Variants in FTO observed in about 807,000 individuals in gnomAD.
FTO encodes the protein alpha-ketoglutarate-dependent dioxygenase FTO.
FTO carries 47 observed loss-of-function variants against 63.9 expected under a neutral mutation model. The observed-to-expected ratio is 0.74, with a 90% CI of 0.58 to 0.94. The LOEUF (loss-of-function observed/expected upper bound fraction) is 0.94. Ranked by LOEUF, FTO falls within the 40% of genes least tolerant of loss-of-function variation. The pLI is 0.00. For synonymous variants in FTO, 207 were observed against 224.4 expected (o/e 0.92, Z 0.69); for missense variants, 562 against 618.1 (o/e 0.91, Z 0.96).
At chr16:53,706,441 C>T (rs757772687) in intron 1 of FTO, among the ~76,000 whole-genome samples, 23 of 152,202 alleles carry the variant, frequency 1.5e-4, no homozygotes, top group Non-Finnish European at 2.8e-4. Context: ...TGTCCCTCCA[C>T]CTTGGCCCCC....
chr16:53,896,311 C>A (rs2081278033), intron 7 of FTO, among the ~76,000 whole-genome samples: 1 of 149,454 alleles, frequency 6.7e-6, no homozygotes, highest in Non-Finnish European at 1.5e-5. Flanking sequence ...CTTATTTCAT[C>A]TAGGGTTTTT....
chr16:53,863,267 A>T (rs904254693), intron 4 of FTO, among the ~76,000 whole-genome samples: 1 of 152,182 alleles, frequency 6.6e-6, no homozygotes, highest in African/African-American at 2.4e-5. Flanking sequence ...ATTCCTTTGA[A>T]CTGTAGTAAT....
At chr16:53,733,259 A>C (rs1160177884) in intron 1 of FTO, among the ~76,000 whole-genome samples, 1 of 152,044 alleles carries the variant, frequency 6.6e-6, no homozygotes, top group Non-Finnish European at 1.5e-5. Context: ...AAAATTAGCC[A>C]GGTGTGGTGG....
intron 8 of FTO, among the ~76,000 whole-genome samples, chr16:54,086,477 A>C (rs1451080404): frequency 5.9e-5 from 9 of 152,214 alleles, no homozygotes; most frequent in African/African-American, 2.2e-4. Flanking sequence ...TTCACCGAGC[A>C]GTTGTTCTGT....
intron 7 of FTO, among the ~76,000 whole-genome samples, chr16:53,898,384 A>G (rs1199923986): frequency 6.6e-6 from 1 of 152,024 alleles, no homozygotes; most frequent in Non-Finnish European, 1.5e-5. Flanking sequence ...TCTTGGAGAG[A>G]GTTGCTCTGA....
chr16:53,830,137 T>A (rs1459299723), intron 3 of FTO, among the ~76,000 whole-genome samples: 4 of 152,172 alleles, frequency 2.6e-5, no homozygotes, highest in African/African-American at 9.7e-5. Flanking sequence ...TGAGTAGAGG[T>A]CATTGAGAAG....
intron 1 of FTO, among the ~76,000 whole-genome samples, chr16:53,789,320 C>T (rs2077833112): frequency 6.6e-6 from 1 of 152,218 alleles, no homozygotes; most frequent in African/African-American, 2.4e-5. Flanking sequence ...ACAAGTACTA[C>T]TTGTCTTTTC....
intron 8 of FTO, among the ~76,000 whole-genome samples, chr16:54,069,587 G>A (rs1414046759): frequency 1.3e-5 from 2 of 151,932 alleles, no homozygotes; most frequent in Non-Finnish European, 2.9e-5. Context: ...TTCTCTTTGG[G>A]CATTTCTATG....
At chr16:53,910,249 G>A (rs1039325225) in intron 7 of FTO, among the ~76,000 whole-genome samples, 5 of 152,190 alleles carry the variant, frequency 3.3e-5, no homozygotes, top group African/African-American at 1.2e-4. Context: ...AGAACAAGTA[G>A]AGGGGGGAGA....
intron 8 of FTO, among the ~76,000 whole-genome samples, chr16:54,066,240 G>A (rs570339764): frequency 1.5e-5 from 2 of 133,984 alleles, no homozygotes; most frequent in Non-Finnish European, 3.2e-5. Flanking sequence ...TGCAGTAGGT[G>A]AGACAGGTGA....
At chr16:53,753,743 C>A in intron 1 of FTO, among the ~76,000 whole-genome samples, 1 of 152,178 alleles carries the variant, frequency 6.6e-6, no homozygotes, top group Non-Finnish European at 1.5e-5. Context: ...GCTCATTGGG[C>A]CCTCTTGCAC....
chr16:54,017,416 A>T (rs1439916847), intron 8 of FTO, among the ~76,000 whole-genome samples: 1 of 152,080 alleles, frequency 6.6e-6, no homozygotes, highest in African/African-American at 2.4e-5. Flanking sequence ...GACTCTGTCA[A>T]CAGTGCCATT....
chr16:54,102,565 G>A (rs572270743), intron 8 of FTO, among the ~76,000 whole-genome samples: 4 of 152,190 alleles, frequency 2.6e-5, no homozygotes, highest in African/African-American at 9.6e-5. Flanking sequence ...AAAAAGCCCT[G>A]ATGTTCATGG....
intron 7 of FTO, among the ~76,000 whole-genome samples, chr16:53,904,564 T>C (rs1191545789): frequency 1.3e-5 from 2 of 152,168 alleles, no homozygotes; most frequent in Non-Finnish European, 2.9e-5. Flanking sequence ...GTGATGTTAT[T>C]ACGTGGTGGA....
intron 1 of FTO, among the ~76,000 whole-genome samples, chr16:53,794,284 A>C (rs530501826): frequency 2.0e-5 from 3 of 152,300 alleles, no homozygotes; most frequent in African/African-American, 7.2e-5. Context: ...GTTTGTACAT[A>C]CCTTCTGCTC....
chr16:53,902,904 A>G (rs998316270), intron 7 of FTO, among the ~76,000 whole-genome samples: 22 of 152,286 alleles, frequency 1.4e-4, no homozygotes, highest in Admixed American at 9.8e-4. Flanking sequence ...ACTTCAGACT[A>G]AGAGTTCAAG....
chr16:53,889,014 C>T, intron 7 of FTO, 63 bp downstream of exon 7: 2 of 1,562,258 alleles, frequency 1.3e-6, no homozygotes, highest in Non-Finnish European at 1.8e-6. Context: ...TCCTCCACTG[C>T]CTCATTTGCT....
intron 2 of FTO, among the ~76,000 whole-genome samples, chr16:53,815,243 T>C (rs2078642041): frequency 6.6e-6 from 1 of 152,162 alleles, no homozygotes; most frequent in Non-Finnish European, 1.5e-5. Flanking sequence ...TAAGGATTCT[T>C]TCTACAAGGC....
chr16:53,864,136 G>A (rs527720739), intron 4 of FTO, among the ~76,000 whole-genome samples: 1 of 152,218 alleles, frequency 6.6e-6, no homozygotes, highest in East Asian at 1.9e-4. Flanking sequence ...GGAAAAACAA[G>A]GTCATAAATA....
Sources: allele counts gnomAD v4.1 joint callset (sites outside exome capture counted in the v4.1 genomes callset), GRCh38; gene constraint gnomAD v4.1.1; transcripts MANE v1.5; gene names NCBI Gene and HGNC (gene_info 2026-07-23, HGNC 2026-07-21).